The following PRCP variants were observed in gnomAD, a reference collection of about 807,000 sequenced individuals.
The protein encoded by PRCP is lysosomal Pro-X carboxypeptidase.
In PRCP, 46 loss-of-function variants were observed where a neutral mutation model predicts 54.2. That is an observed-to-expected ratio of 0.85 (90% CI 0.67 to 1.09). The LOEUF is 1.09. Ranked by LOEUF, PRCP falls within the 50% of genes least tolerant of loss-of-function variation. The pLI, the probability that PRCP is intolerant of heterozygous loss-of-function variation, is 0.00. For missense variants in PRCP, 613 were observed against 596.8 expected, an observed-to-expected ratio of 1.03 and a Z score of -0.28; for synonymous variants, 240 against 212.2, an observed-to-expected ratio of 1.13 and a Z score of -1.14.
intron 1 of PRCP, among the ~76,000 whole-genome samples, chr11:82,866,642 AC>A (rs1316821247): frequency 6.6e-6 from 1 of 152,130 alleles, no homozygotes; most frequent in East Asian, 1.9e-4. Context: ...AGCCTCCTAT[AC>A]TCAGATGGTT....
intron 2 of PRCP, among the ~76,000 whole-genome samples, chr11:82,858,052 CA>C (rs1033980345): frequency 9.8e-5 from 15 of 152,290 alleles, no homozygotes; most frequent in African/African-American, 3.6e-4. Flanking sequence ...CAGTTGATTT[CA>C]GGCTTTGAGA....
chr11:82,839,189 C>T (rs1250528611), intron 7 of PRCP, 72 bp downstream of exon 7: 2 of 1,505,840 alleles, frequency 1.3e-6, no homozygotes, highest in South Asian at 2.6e-5. Context: ...TCTTGTGTAC[C>T]CTGATTTTTT....
chr11:82,825,205 T>C (rs1159173474), intron 8 of PRCP, 83 bp from the exon 9 acceptor site: 51 of 1,210,952 alleles, frequency 4.2e-5, no homozygotes, highest in Non-Finnish European at 5.8e-5. Flanking sequence ...ACCTATTACA[T>C]GTTTAACACC....
intron 1 of PRCP, among the ~76,000 whole-genome samples, chr11:82,882,496 T>TAAAATACTGAAA (rs1565234158): frequency 7.0e-6 from 1 of 143,580 alleles, no homozygotes; most frequent in African/African-American, 2.6e-5. Flanking sequence ...AGCCAGTTCT[T>TAAAATACTGAAA]TTTTTTTTTT....
rs2121269281 is a variant in PRCP at position 82,889,994 on chromosome 11, G to A, written c.168+10241C>T. The stretch of plus-strand genomic sequence containing the variant: ...GGCGGTAATAGGGGCTGCAAAAAGG[G>A]GCTGTAATCACTCCCTTGCATGCAA... On this transcript the variant is annotated intron_variant, in intron 1 of 8. Coordinates refer to ENST00000313010, the MANE Select transcript of PRCP (RefSeq NM_005040.4). 2.0e-5 allele frequency among the ~76,000 whole-genome samples: 3 copies of A among 151,634 alleles called. No homozygotes were observed. The South Asian group carries it at 6.2e-4, about 32-fold the overall frequency.
At chr11:82,840,432 G>C (rs778838276) in intron 6 of PRCP, 1 of 152,092 alleles carries the variant, frequency 6.6e-6, no homozygotes, top group Non-Finnish European at 1.5e-5. Context: ...AAGTATTTAA[G>C]AGGAAGATGT....
intron 1 of PRCP, among the ~76,000 whole-genome samples, chr11:82,894,914 T>C (rs896262379): frequency 6.6e-6 from 1 of 152,048 alleles, no homozygotes; most frequent in Admixed American, 6.6e-5. Flanking sequence ...GAAAGAAAAA[T>C]AGAAATAGTT....
chr11:82,898,445 T>C (rs1460548392), intron 1 of PRCP, among the ~76,000 whole-genome samples: 1 of 152,222 alleles, frequency 6.6e-6, no homozygotes, highest in Non-Finnish European at 1.5e-5. Flanking sequence ...TTTTCATCAA[T>C]CCCAATGGGA....
At chr11:82,862,834 C>T (rs182665114) in intron 1 of PRCP, among the ~76,000 whole-genome samples, 198 of 152,346 alleles carry the variant, frequency 1.3e-3, no homozygotes, top group Non-Finnish European at 2.5e-3. Flanking sequence ...ATTCACTCAA[C>T]AAGAATCTAT....
In PRCP at chr11:82,839,255, A is replaced by T; in HGVS notation, c.1086+6T>A. The T allele has an allele frequency of 6.2e-7, 1 of 1,609,832 alleles. No individual in the cohort carries two copies. Among genetic ancestry groups the T allele is most frequent in the Middle Eastern group, 1.7e-4 (1 of 6,048 alleles). On this transcript the variant is annotated splice_donor_region_variant and intron_variant, in intron 7 of 8. Transcript: ENST00000313010. The stretch of plus-strand genomic sequence containing the variant: ...AGTTCCACTTGGGGAAATTATACAT[A>T]TTTACCTGATAGCTCCAACCCAGTG...
intron 1 of PRCP, chr11:82,884,958 A>C: frequency 1.3e-6 from 2 of 1,579,420 alleles, no homozygotes; most frequent in Non-Finnish European, 1.7e-6. Context: ...CTCCCAGCTC[A>C]AACAATATAT....
At chr11:82,884,430 T>C (rs974537233) in intron 1 of PRCP, among the ~76,000 whole-genome samples, 7 of 152,026 alleles carry the variant, frequency 4.6e-5, no homozygotes, top group Admixed American at 2.0e-4. Flanking sequence ...ATAATGGTCA[T>C]ACCTGTAGTC....
intron 5 of PRCP, 70 bp downstream of exon 5, chr11:82,849,844 G>A (rs368116474): frequency 7.2e-5 from 91 of 1,257,516 alleles, no homozygotes; most frequent in South Asian, 6.8e-4. Flanking sequence ...CTTAAAAAGC[G>A]ACAACTACTG....
intron 1 of PRCP, among the ~76,000 whole-genome samples, chr11:82,866,088 T>C (rs888694726): frequency 6.6e-6 from 1 of 152,232 alleles, no homozygotes; most frequent in Non-Finnish European, 1.5e-5. Context: ...GGTTTATTTC[T>C]TCTTTATTAT....
intron 6 of PRCP, among the ~76,000 whole-genome samples, chr11:82,847,238 T>C (rs1858828985): frequency 6.6e-6 from 1 of 152,224 alleles, no homozygotes; most frequent in African/African-American, 2.4e-5. Context: ...TGTACACAGA[T>C]AGATATAGAG....
chr11:82,857,535 A>G (rs1859120539), intron 2 of PRCP, among the ~76,000 whole-genome samples: 1 of 152,176 alleles, frequency 6.6e-6, no homozygotes, highest in South Asian at 2.1e-4. Context: ...TCGCTTACTC[A>G]GTTGTGGCCT....
rs1292936419 is a variant in PRCP, at chr11:82,844,725, T to C, written c.921+4324A>G. ...TCCAGCCTGGGAGACAGAGCGAGGC[T>C]CCGTCTCAAAAAAAAAAAAAAAAAA... On this transcript the variant is annotated intron_variant, in intron 6 of 8. Coordinates refer to ENST00000313010, the MANE Select transcript of PRCP (RefSeq NM_005040.4). Among the ~76,000 whole-genome samples, 42 of 68,934 alleles carry C rather than the reference T, an allele frequency of 6.1e-4. 1 individual carries two copies. The highest frequency in any genetic ancestry group is 2.4e-3 in the South Asian group (5 of 2,120). The allele number at this position is 68,934 out of a possible 152,430, so 45.2% of individuals were successfully genotyped here.
At chr11:82,874,770 G>T (rs1398384005) in intron 1 of PRCP, among the ~76,000 whole-genome samples, 1 of 151,418 alleles carries the variant, frequency 6.6e-6, no homozygotes, top group Non-Finnish European at 1.5e-5. Flanking sequence ...GAGGCAGATC[G>T]ACTTCTAACA....
intron 8 of PRCP, among the ~76,000 whole-genome samples, chr11:82,835,244 A>G (rs1226090576): frequency 1.3e-5 from 2 of 152,342 alleles, no homozygotes; most frequent in Non-Finnish European, 2.9e-5. Flanking sequence ...AATGAGTCTA[A>G]TAAGTCTAAT....
Sources: allele counts gnomAD v4.1 joint callset (sites outside exome capture counted in the v4.1 genomes callset), GRCh38; gene constraint gnomAD v4.1.1; transcripts MANE v1.5; gene names NCBI Gene and HGNC (gene_info 2026-07-23, HGNC 2026-07-21).